The following PGBD2 variants were observed in gnomAD, a reference collection of about 807,000 sequenced individuals.
PGBD2 encodes the protein piggyBac transposable element derived 2, also known as piggyBac transposable element-derived protein 2.
PGBD2 carries 6 observed loss-of-function variants against 8.1 expected under a neutral mutation model. The observed-to-expected ratio is 0.74, with a 90% CI of 0.40 to 1.46. The LOEUF (loss-of-function observed/expected upper bound fraction) is 1.46, where lower values mean the gene tolerates loss of function less well. Among genes scored for constraint, PGBD2 ranks in the 40% most tolerant of loss-of-function variants. PGBD2 has a pLI of 0.02. For missense variants in PGBD2, 802 were observed against 739.0 expected, an observed-to-expected ratio of 1.09 and a Z score of -0.99; for synonymous variants, 318 against 272.2, an observed-to-expected ratio of 1.17 and a Z score of -1.66.
chr1:248,913,562 A>G (rs866244481), intron 1 of PGBD2, among the ~76,000 whole-genome samples: 2 of 152,188 alleles, frequency 1.3e-5, no homozygotes, highest in Admixed American at 6.5e-5. Flanking sequence ...CCTAGAATGC[A>G]GTGGAAAGCC....
intron 1 of PGBD2, among the ~76,000 whole-genome samples, chr1:248,912,184 A>C (rs1661916813): frequency 6.6e-6 from 1 of 152,056 alleles, no homozygotes; most frequent in African/African-American, 2.4e-5. Flanking sequence ...CTACTCCTAT[A>C]ATTAATTTCT....
chr1:248,904,725 T>C (rs1661590280), upstream of PGBD2, among the ~76,000 whole-genome samples: 1 of 152,238 alleles, frequency 6.6e-6, no homozygotes, highest in Non-Finnish European at 1.5e-5. Context: ...TTGCTCTTCA[T>C]ATTCTTTGGC....
chr1:248,880,789 C>T, the PGBD2 span, among the ~76,000 whole-genome samples: 1 of 152,014 alleles, frequency 6.6e-6, no homozygotes, highest in Non-Finnish European at 1.5e-5. Context: ...GATTTTTCTC[C>T]CTTCTGATGA....
the PGBD2 span, among the ~76,000 whole-genome samples, chr1:248,875,312 A>AAAAAAAAAAAAAAAAAAG: frequency 6.9e-6 from 1 of 144,414 alleles, no homozygotes; most frequent in African/African-American, 2.8e-5. Flanking sequence ...ACAAAACAAA[A>AAAAAAAAAAAAAAAAAAG]AAAAAAAAAA....
chr1:248,927,686 G>A, the PGBD2 span, among the ~76,000 whole-genome samples: 3 of 152,152 alleles, frequency 2.0e-5, no homozygotes, highest in Admixed American at 2.0e-4. Context: ...CCCTGTTTTA[G>A]AAAGCTCAGG....
chr1:248,905,476 A>G (rs1176308091), upstream of PGBD2, among the ~76,000 whole-genome samples: 4 of 152,190 alleles, frequency 2.6e-5, no homozygotes, highest in Non-Finnish European at 5.9e-5. Context: ...TTTATTTGTC[A>G]TAACTAGAGT....
rs1051445874 is a variant in PGBD2, at chr1:248,906,253, A to C, written c.-137A>C. The C allele has an allele frequency of 6.6e-6, 1 of 151,572 alleles. No individual in the cohort carries two copies. Among genetic ancestry groups the C allele is most frequent in the Non-Finnish European group, 1.5e-5 (1 of 67,912 alleles). 9.4% of individuals were successfully genotyped at this position (151,572 alleles called of 1,614,324 possible). On this transcript the variant is annotated 5_prime_UTR_variant, in exon 1 of 3. Coordinates refer to ENST00000329291, the MANE Select transcript of PGBD2 (RefSeq NM_170725.3). ...TGGTGCCGGACGTTGCGCGGCCGCGACGCCCGACGCCAACGCAGGCGCAGC... is the reference window on the plus strand; with the variant it reads ...TGGTGCCGGACGTTGCGCGGCCGCGCCGCCCGACGCCAACGCAGGCGCAGC...
the PGBD2 span, among the ~76,000 whole-genome samples, chr1:248,873,961 C>G: frequency 6.6e-6 from 1 of 152,162 alleles, no homozygotes. Flanking sequence ...ACTTCTGACA[C>G]ATTCGTTTTA....
At chr1:248,898,748 A>G in the PGBD2 span, among the ~76,000 whole-genome samples, 1 of 152,224 alleles carries the variant, frequency 6.6e-6, no homozygotes, top group Non-Finnish European at 1.5e-5. Flanking sequence ...GAACAAATTC[A>G]CAAAGAAAAA....
In PGBD2 at chr1:248,917,949, G is replaced by C. The variant is rs776335485; in HGVS notation, c.1365G>C (p.Leu455=). The C allele has an allele frequency of 1.2e-6, 2 of 1,614,102 alleles. No individual in the cohort carries two copies. Among genetic ancestry groups the C allele is most frequent in the Middle Eastern group, 1.6e-4 (1 of 6,084 alleles). Reference sequence around the variant, plus strand: ...TCCACCAGCCATCACTGGTGAAGCTGTATCAGGAGAAGGTGGGTGGCGTTG... The same window carrying C: ...TCCACCAGCCATCACTGGTGAAGCTCTATCAGGAGAAGGTGGGTGGCGTTG... ...TQVHQPSLVK[L]YQEKVGGVGR... The change falls in exon 3 of 3, where the codon CTG becomes CTC. Residue 455 remains leucine (L), a synonymous_variant. Transcript: ENST00000329291.
chr1:248,874,363 G>C, the PGBD2 span, among the ~76,000 whole-genome samples: 1 of 152,210 alleles, frequency 6.6e-6, no homozygotes, highest in Non-Finnish European at 1.5e-5. Context: ...AACCATAGGT[G>C]ATGTTCCCAG....
chr1:248,879,239 T>C, the PGBD2 span, among the ~76,000 whole-genome samples: 1 of 152,220 alleles, frequency 6.6e-6, no homozygotes, highest in African/African-American at 2.4e-5. Context: ...ATTCATAGTC[T>C]GATTTTCTTC....
chr1:248,880,599 AG>A, the PGBD2 span, among the ~76,000 whole-genome samples: 2 of 152,222 alleles, frequency 1.3e-5, no homozygotes, highest in African/African-American at 4.8e-5. Flanking sequence ...GTAGTCTTTG[AG>A]TGTTTCAAGT....
upstream of PGBD2, among the ~76,000 whole-genome samples, chr1:248,905,374 G>C (rs1467692668): frequency 6.6e-6 from 1 of 152,194 alleles, no homozygotes; most frequent in East Asian, 1.9e-4. Flanking sequence ...TTTCTGCGGA[G>C]TACACTGTCC....
intron 1 of PGBD2, among the ~76,000 whole-genome samples, chr1:248,908,396 T>G (rs1661735632): frequency 6.6e-6 from 1 of 152,168 alleles, no homozygotes; most frequent in South Asian, 2.1e-4. Context: ...CTAGGCTTAG[T>G]GAATGGCACC....
At chr1:248,924,894 G>A (rs1020649810), downstream of PGBD2, among the ~76,000 whole-genome samples, 10 of 152,150 alleles carry the variant, frequency 6.6e-5, no homozygotes, top group Non-Finnish European at 1.0e-4. Context: ...ATATAAATGG[G>A]TGTCTCTGCC....
intron 1 of PGBD2, among the ~76,000 whole-genome samples, chr1:248,907,353 G>A (rs1661690614): frequency 1.3e-5 from 2 of 152,198 alleles, no homozygotes; most frequent in Non-Finnish European, 2.9e-5. Context: ...TCTCAGAATT[G>A]AACAAATGTA....
the PGBD2 span, among the ~76,000 whole-genome samples, chr1:248,885,390 C>T: frequency 6.6e-5 from 10 of 151,924 alleles, no homozygotes; most frequent in African/African-American, 1.7e-4. Flanking sequence ...ATCCTCTCAC[C>T]TCAGCCTCCT....
the PGBD2 span, among the ~76,000 whole-genome samples, chr1:248,891,563 T>G: frequency 6.6e-6 from 1 of 152,328 alleles, no homozygotes; most frequent in East Asian, 1.9e-4. Flanking sequence ...GGCACAGTGG[T>G]GCACACCTGT....
Sources: gnomAD v4.1 joint callset for allele counts (sites outside exome capture counted in the v4.1 genomes callset) on GRCh38, gnomAD v4.1.1 for gene constraint, MANE v1.5 for transcripts, NCBI Gene and HGNC (gene_info 2026-07-23, HGNC 2026-07-21) for gene names.